Variants in NFIB observed in about 807,000 individuals in gnomAD.
The protein encoded by NFIB is nuclear factor 1 B-type.
A neutral mutation model predicts 61.5 loss-of-function variants in NFIB; 11 were observed. The ratio of observed to expected loss-of-function variants is 0.18; its 90% CI spans 0.11 to 0.30. The LOEUF (loss-of-function observed/expected upper bound fraction) is 0.30, where lower values mean the gene tolerates loss of function less well. Among genes scored for constraint, NFIB ranks in the 10% least tolerant of loss-of-function variants. The pLI, the probability that NFIB is intolerant of heterozygous loss-of-function variation, is 1.00. For synonymous variants in NFIB, 260 were observed against 216.5 expected (o/e 1.20, Z -1.76); for missense variants, 471 against 608.9 (o/e 0.77, Z 2.38).
At chr9:14,316,677 A>T (rs1182738949), upstream of NFIB, among the ~76,000 whole-genome samples, 1 of 152,080 alleles carries the variant, frequency 6.6e-6, no homozygotes, top group Admixed American at 6.5e-5. Context: ...GATTAAACAC[A>T]CACAGACACA....
chr9:14,390,987 T>C (rs2061612467), intron 1 of NFIB, among the ~76,000 whole-genome samples: 1 of 152,160 alleles, frequency 6.6e-6, no homozygotes, highest in African/African-American at 2.4e-5. Context: ...TGATTGCATA[T>C]ATAAAGAAAT....
chr9:14,131,381 T>C (rs1165569412), intron 6 of NFIB, among the ~76,000 whole-genome samples: 1 of 152,228 alleles, frequency 6.6e-6, no homozygotes, highest in Admixed American at 6.5e-5. Flanking sequence ...CACTGTAACA[T>C]ATATACATCC....
intron 1 of NFIB, among the ~76,000 whole-genome samples, chr9:14,342,446 A>G (rs938534044): frequency 6.6e-6 from 1 of 151,972 alleles, no homozygotes; most frequent in Admixed American, 6.6e-5. Context: ...GAAGGAAGGA[A>G]GACGGGAGGC....
Position 14,295,249 on chromosome 9 carries a change from T to C in NFIB, c.562+11740A>G, listed in dbSNP as rs542114687. On this transcript the variant is annotated intron_variant, in intron 2 of 10. Coordinates refer to ENST00000380953, the MANE Select transcript of NFIB (RefSeq NM_001190737.2). ...GCAACTGATTAAACGGTTTGAGGTT[T>C]TGACTCAACTAAGGGTCATTTTTAA... Among the ~76,000 whole-genome samples, 5 of 152,354 alleles carry C rather than the reference T, an allele frequency of 3.3e-5. No individual in the cohort carries two copies. In the East Asian group the frequency reaches 9.6e-4, roughly 29 times the overall value.
intron 1 of NFIB, among the ~76,000 whole-genome samples, chr9:14,343,548 C>T (rs185864070): frequency 7.9e-5 from 12 of 152,326 alleles, no homozygotes; most frequent in Non-Finnish European, 1.6e-4. Flanking sequence ...TTCCATGCTA[C>T]AGCCTCTGCT....
At chr9:14,413,360 A>T in the NFIB span, among the ~76,000 whole-genome samples, 1 of 152,182 alleles carries the variant, frequency 6.6e-6, no homozygotes, top group Non-Finnish European at 1.5e-5. Flanking sequence ...CTAGCTCATG[A>T]TCATTTGTCA....
intron 3 of NFIB, among the ~76,000 whole-genome samples, chr9:14,174,966 A>G (rs2045995919): frequency 6.6e-6 from 1 of 151,950 alleles, no homozygotes; most frequent in Admixed American, 6.6e-5. Context: ...GATCTGAAAA[A>G]TCAAGCAAAT....
intron 4 of NFIB, among the ~76,000 whole-genome samples, chr9:14,152,063 G>T (rs758385332): frequency 2.6e-4 from 40 of 152,216 alleles, no homozygotes; most frequent in South Asian, 8.3e-4. Context: ...AAGAAAGTAT[G>T]ATTAGGAGGT....
intron 1 of NFIB, among the ~76,000 whole-genome samples, chr9:14,396,887 AAG>A (rs2133045656): frequency 6.6e-6 from 1 of 152,276 alleles, no homozygotes; most frequent in East Asian, 1.9e-4. Context: ...ATTGAAAAAG[AAG>A]AGAGGTGCCC....
chr9:14,282,557 T>C (rs548262879), intron 2 of NFIB, among the ~76,000 whole-genome samples: 49 of 152,352 alleles, frequency 3.2e-4, no homozygotes, highest in African/African-American at 1.1e-3. Flanking sequence ...TTGATAAACA[T>C]AGTCTTTAGA....
At chr9:14,507,290 A>G in the NFIB span, among the ~76,000 whole-genome samples, 1 of 152,198 alleles carries the variant, frequency 6.6e-6, no homozygotes, top group African/African-American at 2.4e-5. Context: ...TCTTTGAGGG[A>G]GCGTGATATA....
At chr9:14,400,544 T>A (rs1314498917), upstream of NFIB, among the ~76,000 whole-genome samples, 1 of 152,142 alleles carries the variant, frequency 6.6e-6, no homozygotes, top group Non-Finnish European at 1.5e-5. Flanking sequence ...CAGCTGTAAC[T>A]CAAGTTAAGC....
chr9:14,217,953 A>G (rs2051147051), intron 2 of NFIB, among the ~76,000 whole-genome samples: 1 of 152,214 alleles, frequency 6.6e-6, no homozygotes, highest in Non-Finnish European at 1.5e-5. Flanking sequence ...GCAGTGGTAG[A>G]GCACAAAAAT....
At chr9:14,529,449 T>C in the NFIB span, among the ~76,000 whole-genome samples, 1 of 152,166 alleles carries the variant, frequency 6.6e-6, no homozygotes, top group Non-Finnish European at 1.5e-5. Context: ...AGAATCAGTG[T>C]CACGGTGAGA....
intron 1 of NFIB, among the ~76,000 whole-genome samples, chr9:14,396,592 C>A (rs1200539709): frequency 6.6e-6 from 1 of 152,062 alleles, no homozygotes; most frequent in Non-Finnish European, 1.5e-5. Context: ...TTGTGTGTAA[C>A]TGTGGGAAAA....
chr9:14,474,790 T>G, the NFIB span, among the ~76,000 whole-genome samples: 1 of 152,158 alleles, frequency 6.6e-6, no homozygotes, highest in African/African-American at 2.4e-5. Flanking sequence ...CCATTAGACC[T>G]TAAGGCTAGA....
Position 14,307,098 on chromosome 9 carries a change from G to A in NFIB, c.453C>T (p.Leu151=), listed in dbSNP as rs772746115. Residue 151 remains leucine (L), a synonymous_variant, in exon 2 of 11, where the codon CTC becomes CTT. Coordinates refer to ENST00000380953, the MANE Select transcript of NFIB (RefSeq NM_001190737.2). This position sits in a 1 kb window ranked among gnomAD's most constrained non-coding sequence, Gnocchi z 5.3. Reference sequence around the variant, plus strand: ...GGTTTGTGCAATGTGGGGATTTCATGAGCCGCTCTCCATCGGTACTTTCCA... The same window carrying A: ...GGTTTGTGCAATGTGGGGATTTCATAAGCCGCTCTCCATCGGTACTTTCCA... ...IPLESTDGER[L]MKSPHCTNPA... 1 of 1,614,158 alleles carries A rather than the reference G, an allele frequency of 6.2e-7. No individual in the cohort carries two copies.
intron 2 of NFIB, among the ~76,000 whole-genome samples, chr9:14,202,920 T>C (rs1335335832): frequency 2.6e-5 from 4 of 152,218 alleles, no homozygotes; most frequent in African/African-American, 9.6e-5. Context: ...GCTACTTACA[T>C]AGAAAATTAT....
At chr9:14,176,365 C>T (rs1035451219) in intron 3 of NFIB, among the ~76,000 whole-genome samples, 1 of 151,950 alleles carries the variant, frequency 6.6e-6, no homozygotes. Flanking sequence ...AAGTGCTTAG[C>T]GCTTCTCAGC....
Sources: gnomAD v4.1 joint callset for allele counts (sites outside exome capture counted in the v4.1 genomes callset) on GRCh38, gnomAD v4.1.1 for gene constraint, Gnocchi (gnomAD v3.1) non-coding constraint, MANE v1.5 for transcripts, NCBI Gene and HGNC (gene_info 2026-07-23, HGNC 2026-07-21) for gene names.